DSCAM: variants seen among roughly 807,000 people sequenced by gnomAD.
The protein encoded by DSCAM is DS cell adhesion molecule.
DSCAM carries 47 observed loss-of-function variants against 217.7 expected under a neutral mutation model. The observed-to-expected ratio is 0.22, with a 90% CI of 0.17 to 0.28. The LOEUF is 0.28. DSCAM is among the 10% of genes least tolerant of loss of function. DSCAM has a pLI of 1.00. For synonymous variants in DSCAM, 1,056 were observed against 1,015.3 expected (o/e 1.04, Z -0.76); for missense variants, 2,080 against 2,618.3 (o/e 0.79, Z 4.49).
intron 3 of DSCAM, among the ~76,000 whole-genome samples, chr21:40,648,860 C>T (rs1322537319): frequency 1.3e-5 from 2 of 152,150 alleles, no homozygotes; most frequent in Non-Finnish European, 1.5e-5. Flanking sequence ...CCATCCTCAC[C>T]CTTGGAATTG....
At position 40,339,368 on chromosome 21, in the gene DSCAM, G is replaced by T. The variant is rs1369542747; in HGVS notation, c.1258C>A (p.Pro420Thr). 1.2e-6 allele frequency: 2 copies of T among 1,613,186 alleles called. No homozygotes were observed. Among genetic ancestry groups the T allele is most frequent in the South Asian group, 2.2e-5 (2 of 90,980 alleles). Residue 420 changes from proline (P) to threonine (T), a missense_variant, in exon 7 of 33, where the codon CCA (proline) becomes ACA (threonine). Physicochemically the swap from Pro to Thr is conservative, Grantham distance 38. Around this residue, in one of 5 missense-constraint regions of DSCAM, gnomAD observed 568 missense variants for 678.1 expected, o/e 0.84. Coordinates refer to ENST00000400454, the MANE Select transcript of DSCAM (RefSeq NM_001389.5). ...CACATAAGGGAAACCGGCTCTGCTG[G>T]ACTCACCACCTTTTCACTAAAGGCA... The part of the protein sequence containing the change: ...ISAFSEKVVS[P>T]AEPVSLMCNV...
chr21:40,711,596 C>T (rs73360418), intron 1 of DSCAM, among the ~76,000 whole-genome samples: 8,225 of 152,158 alleles, frequency 0.054, 749 homozygotes, highest in African/African-American at 0.19. Flanking sequence ...TCCTCTTTAG[C>T]GCCAATGCAC....
intron 11 of DSCAM, among the ~76,000 whole-genome samples, chr21:40,251,850 TTTC>T (rs1283997342): frequency 6.6e-6 from 1 of 152,184 alleles, no homozygotes; most frequent in East Asian, 1.9e-4. Flanking sequence ...TTTTCTTTTC[TTTC>T]TTTTTTTTAA....
chr21:40,824,654 A>G (rs1227619205), intron 1 of DSCAM, among the ~76,000 whole-genome samples: 1 of 151,946 alleles, frequency 6.6e-6, no homozygotes, highest in Non-Finnish European at 1.5e-5. Flanking sequence ...GGCTCAAGCA[A>G]TCTTCCTGCC....
At chr21:40,058,460 C>T (rs77462520) in intron 28 of DSCAM, among the ~76,000 whole-genome samples, 11,751 of 152,200 alleles carry the variant, frequency 0.077, 761 homozygotes, top group African/African-American at 0.16. Context: ...TATGCTCCAC[C>T]AGGGTTTTCT....
chr21:40,461,546 TG>T (rs1383099558), intron 3 of DSCAM, among the ~76,000 whole-genome samples: 1 of 152,040 alleles, frequency 6.6e-6, no homozygotes, highest in Non-Finnish European at 1.5e-5. Flanking sequence ...CTCTGGGGTC[TG>T]GGGGGAGGCA....
intron 10 of DSCAM, among the ~76,000 whole-genome samples, chr21:40,290,003 C>A (rs1399685019): frequency 6.6e-6 from 1 of 152,038 alleles, no homozygotes; most frequent in Non-Finnish European, 1.5e-5. Flanking sequence ...AAGGCAGAAC[C>A]GGAGTTGGCA....
intron 3 of DSCAM, among the ~76,000 whole-genome samples, chr21:40,656,526 A>C (rs963735306): frequency 3.9e-5 from 6 of 152,032 alleles, no homozygotes; most frequent in African/African-American, 1.4e-4. Context: ...TCAATAGAAA[A>C]AAAAAAAAAA....
At chr21:40,381,289 T>C (rs2075022425) in intron 3 of DSCAM, among the ~76,000 whole-genome samples, 1 of 151,974 alleles carries the variant, frequency 6.6e-6, no homozygotes, top group African/African-American at 2.4e-5. Flanking sequence ...TAGCCCTTTA[T>C]AGAGATATGG....
At chr21:40,749,099 T>C (rs971207074) in intron 1 of DSCAM, among the ~76,000 whole-genome samples, 1 of 152,120 alleles carries the variant, frequency 6.6e-6, no homozygotes, top group Non-Finnish European at 1.5e-5. Context: ...GAGGCTTAAG[T>C]GTTAGGACCA....
At chr21:40,158,371 G>A (rs973865683) in intron 16 of DSCAM, among the ~76,000 whole-genome samples, 1 of 152,066 alleles carries the variant, frequency 6.6e-6, no homozygotes, top group African/African-American at 2.4e-5. Context: ...TTCAGCCTGG[G>A]TGGTAGAGTG....
At chr21:40,769,390 T>C (rs905079260) in intron 1 of DSCAM, among the ~76,000 whole-genome samples, 1 of 152,110 alleles carries the variant, frequency 6.6e-6, no homozygotes, top group African/African-American at 2.4e-5. Flanking sequence ...GCTGCACCCA[T>C]GGGGAGAAGG....
chr21:40,579,575 A>G (rs1182032329), intron 3 of DSCAM, among the ~76,000 whole-genome samples: 1 of 152,224 alleles, frequency 6.6e-6, no homozygotes, highest in Non-Finnish European at 1.5e-5. Context: ...CAAGCAGGAA[A>G]GAAACCCATG....
intron 1 of DSCAM, among the ~76,000 whole-genome samples, chr21:40,812,435 C>T (rs2091847224): frequency 6.6e-6 from 1 of 152,138 alleles, no homozygotes; most frequent in South Asian, 2.1e-4. Flanking sequence ...GACAGTGACC[C>T]CTGAGCCACA....
In DSCAM at chr21:40,786,167, C is replaced by T. The variant is rs150302594; in HGVS notation, c.43+60452G>A. Among the ~76,000 whole-genome samples, 1,433 of 151,812 alleles carry T rather than the reference C, an allele frequency of 9.4e-3. 22 individuals are homozygous for T. The highest frequency in any genetic ancestry group is 0.032 in the African/African-American group (1,336 of 41,392). On this transcript the variant is annotated intron_variant, in intron 1 of 32. Transcript: ENST00000400454. ...AGGAGAATTGCTTGAACCTGGGAGG[C>T]GGAGGTTGTGGTGAGCTGAGATCGT...
intron 18 of DSCAM, 118 bp downstream of exon 18, chr21:40,142,440 T>C (rs2090303050): frequency 9.2e-7 from 1 of 1,092,156 alleles, no homozygotes; most frequent in Admixed American, 2.5e-5. Flanking sequence ...GGAAAGTGTC[T>C]ATTGATAAAG....
Position 40,615,747 on chromosome 21 carries a change from T to C in DSCAM, c.508+77063A>G, listed in dbSNP as rs2089384770. Among the ~76,000 whole-genome samples, 4 of 152,128 alleles carry C rather than the reference T, an allele frequency of 2.6e-5. No individual in the cohort carries two copies. In the South Asian group the frequency reaches 8.3e-4, roughly 32 times the overall value. ...ATGCAGACAGATGGAGCTAAAGTCTTTCCTGGGCAGAGAGCTCTATATCAA... is the reference window on the plus strand; with the variant it reads ...ATGCAGACAGATGGAGCTAAAGTCTCTCCTGGGCAGAGAGCTCTATATCAA... On this transcript the variant is annotated intron_variant, in intron 3 of 32. Coordinates refer to ENST00000400454, the MANE Select transcript of DSCAM (RefSeq NM_001389.5).
intron 20 of DSCAM, among the ~76,000 whole-genome samples, chr21:40,114,767 A>G (rs909516693): frequency 6.6e-6 from 1 of 152,240 alleles, no homozygotes; most frequent in African/African-American, 2.4e-5. Flanking sequence ...ACGAACAGAC[A>G]CTTCTCAAAA....
chr21:40,168,902 A>T (rs553190803), intron 15 of DSCAM, among the ~76,000 whole-genome samples: 1 of 152,216 alleles, frequency 6.6e-6, no homozygotes, highest in African/African-American at 2.4e-5. Flanking sequence ...CTGTGACTCC[A>T]TTTCTCTCTA....
Sources: allele counts gnomAD v4.1 joint callset (sites outside exome capture counted in the v4.1 genomes callset), GRCh38; gene constraint gnomAD v4.1.1; regional missense constraint gnomAD v4.1.1; transcripts MANE v1.5; gene names NCBI Gene and HGNC (gene_info 2026-07-23, HGNC 2026-07-21).